Variants in GPR101 observed in about 807,000 individuals in gnomAD.
GPR101 encodes the protein probable G protein-coupled receptor 101.
In GPR101, 8 loss-of-function variants were observed where a neutral mutation model predicts 16.4. The ratio of observed to expected loss-of-function variants is 0.49; its 90% CI spans 0.29 to 0.88. The LOEUF (loss-of-function observed/expected upper bound fraction) is 0.88. Ranked by LOEUF, GPR101 falls within the 40% of genes least tolerant of loss-of-function variation. The pLI is 0.09. For synonymous variants in GPR101, 155 were observed against 168.7 expected (o/e 0.92, Z 0.63); for missense variants, 375 against 411.7 (o/e 0.91, Z 0.77).
Position 137,026,367 on chromosome X carries a change from C to T in GPR101, c.*3781G>A, listed in dbSNP as rs746640145. Among the ~76,000 whole-genome samples, 1 of 111,929 alleles carries T rather than the reference C, an allele frequency of 8.9e-6. No individual in the cohort carries two copies. The highest frequency in any genetic ancestry group is 1.9e-5 in the Non-Finnish European group (1 of 53,222). The stretch of plus-strand genomic sequence containing the variant: ...TCCCAACAACCCATGAGAGTTTTAT[C>T]TTGAGAGTCCAAATTACCAGATGAT... On this transcript the variant is annotated 3_prime_UTR_variant, in exon 2 of 2. Coordinates refer to ENST00000651716, the MANE Select transcript of GPR101 (RefSeq NM_054021.2).
Position 137,031,278 on chromosome X carries a change from T to G in GPR101, c.397A>C (p.Ile133Leu). ...VVVSVDRYLS[I>L]IHPLSYPSKM... ...GACGGGTAGGAGAGAGGGTGGATGA[T>G]GGACAAGTAGCGATCCACTGACACC... The change falls in exon 2 of 2, where the codon ATC (isoleucine) becomes CTC (leucine). Residue 133 changes from isoleucine to leucine, a missense_variant. Coordinates refer to ENST00000651716, the MANE Select transcript of GPR101 (RefSeq NM_054021.2). 8.3e-7 allele frequency: 1 copy of G among 1,210,764 alleles called. No individual in the cohort carries two copies. Among genetic ancestry groups the G allele is most frequent in the Non-Finnish European group, 1.1e-6 (1 of 895,086 alleles).
At position 137,033,926 on chromosome X, in the gene GPR101, C is replaced by T. The variant is rs1320485317; in HGVS notation, c.-217G>A. Among the ~76,000 whole-genome samples the T allele has an allele frequency of 8.9e-6, 1 of 111,853 alleles. No homozygotes were observed. Among genetic ancestry groups the T allele is most frequent in the African/African-American group, 3.2e-5 (1 of 31,032 alleles). ...AGCTGGCACGGGGCAGCGGGCGCTG[C>T]GGGCGCGGCAGGAGCGGGGCACAGC... On this transcript the variant is annotated 5_prime_UTR_variant, in exon 1 of 2. Transcript: ENST00000651716.
rs961950630 is a variant in GPR101 at position 137,027,162 on chromosome X, T to C, written c.*2986A>G. ...ACTGCCTTCCCAAGCTTGTGGAAAT[T>C]GGTGTGTTAGTCAAAGCACCTGCGA... is the stretch of plus-strand genomic sequence containing the variant. On this transcript the variant is annotated 3_prime_UTR_variant, in exon 2 of 2. Coordinates refer to ENST00000651716, the MANE Select transcript of GPR101 (RefSeq NM_054021.2). Among the ~76,000 whole-genome samples the C allele has an allele frequency of 9.4e-6, 1 of 106,815 alleles. No individual in the cohort carries two copies. Among genetic ancestry groups the C allele is most frequent in the Non-Finnish European group, 1.9e-5 (1 of 52,079 alleles). 92.8% of individuals were successfully genotyped at this position (106,815 alleles called of 115,157 possible). A position where few individuals can be genotyped will look rare whatever the true frequency, so the allele number is the denominator to read the frequency against.
chrX:137,032,808 A>G (rs187694201), intron 1 of GPR101, among the ~76,000 whole-genome samples: 5,965 of 104,738 alleles, frequency 0.057, 185 homozygotes, highest in Middle Eastern at 0.12. Context: ...CTAACACTCT[A>G]CTGCTTGTCT....
At position 137,027,597 on chromosome X, in the gene GPR101, C is replaced by T. The variant is rs1442066153; in HGVS notation, c.*2551G>A. 2.7e-5 allele frequency among the ~76,000 whole-genome samples: 3 copies of T among 112,273 alleles called. No homozygotes were observed. The highest frequency in any genetic ancestry group is 3.8e-5 in the Non-Finnish European group (2 of 53,284). ...GCAGAATGCTCTTAATTAAAAGGTC[C>T]TCTTTTCCAGGCTCATAGTTTCAAA... On this transcript the variant is annotated 3_prime_UTR_variant, in exon 2 of 2. Coordinates refer to ENST00000651716, the MANE Select transcript of GPR101 (RefSeq NM_054021.2).
Position 137,030,588 on chromosome X carries a change from T to C in GPR101, c.1087A>G (p.Ser363Gly). ...TTCACTGCCTCGACGTCATCCTCAC[T>C]GAAATTGATGTCGTCTTCACCAAAC... ...MEFGEDDINF[S>G]EDDVEAVNIP... The change falls in exon 2 of 2, where the codon AGT becomes GGT. Residue 363 changes from serine (S) to glycine (G), a missense_variant. Ser to Gly is a moderately conservative substitution (Grantham distance 56). Coordinates refer to ENST00000651716, the MANE Select transcript of GPR101 (RefSeq NM_054021.2). 1 of 1,211,627 alleles carries C rather than the reference T, an allele frequency of 8.3e-7. No individual in the cohort carries two copies. The highest frequency in any genetic ancestry group is 1.1e-6 in the Non-Finnish European group (1 of 895,358).
rs1292435628 is a variant in GPR101 at position 137,025,038 on chromosome X, G to A, written c.*5110C>T. 8.9e-6 allele frequency among the ~76,000 whole-genome samples: 1 copy of A among 111,879 alleles called. No individual in the cohort carries two copies. Among genetic ancestry groups the A allele is most frequent in the African/African-American group, 3.3e-5 (1 of 30,730 alleles). On this transcript the variant is annotated 3_prime_UTR_variant, in exon 2 of 2. Transcript: ENST00000651716. The stretch of plus-strand genomic sequence containing the variant: ...TGTGTTGTGGAAAACTGTCAGCAAG[G>A]ACTTCAGCCACGATGATTAGTTCAC...
Position 137,030,149 on chromosome X carries a change from C to A in GPR101, c.1526G>T (p.Ter509LeuextTer2). ...TCAAGGTTTGCCTTAGAACTAACTTCAAGGAAAAGTAGCAGAATCGTAGGA... is the reference window on the plus strand; with the variant it reads ...TCAAGGTTTGCCTTAGAACTAACTTAAAGGAAAAGTAGCAGAATCGTAGGA... The part of the protein sequence containing the change: ...VPSYDSATFP[*>L] Residue 509 changes from the stop codon to leucine, a stop_lost, in exon 2 of 2, where the codon TGA (stop) becomes TTA (leucine). Transcript: ENST00000651716. 2 of 1,171,253 alleles carry A rather than the reference C, an allele frequency of 1.7e-6. No homozygotes were observed. The highest frequency in any genetic ancestry group is 2.0e-5 in the South Asian group (1 of 49,636).
At position 137,030,333 on chromosome X, in the gene GPR101, AG is replaced by A. The variant is rs1927234042; in HGVS notation, c.1341del (p.Cys448AlafsTer22). On this transcript the variant is annotated frameshift_variant, in exon 2 of 2. Transcript: ENST00000651716. LOFTEE classifies it high-confidence loss of function. ...TAGCCATAGACATAGGGGTGGATGC[AG>A]CACTGCAGGAAGAAAAGCCAGATGA... ...TIIIWLFFLQ[C>X]CIHPYVYGYM... The A allele has an allele frequency of 5.8e-6, 7 of 1,208,355 alleles. No individual in the cohort carries two copies. In the South Asian group the frequency reaches 1.2e-4, roughly 21 times the overall value.
Position 137,033,819 on chromosome X carries a change from G to T in GPR101, c.-110C>A, listed in dbSNP as rs1927318281. Among the ~76,000 whole-genome samples the T allele has an allele frequency of 8.9e-6, 1 of 112,209 alleles. No individual in the cohort carries two copies. The highest frequency in any genetic ancestry group is 1.9e-5 in the Non-Finnish European group (1 of 52,962). ...CTGCTTACCTGTTGCTGCTGCAGACGTGGCGTCGCGGGCGCCGCGTGCAGG... is the reference window on the plus strand; with the variant it reads ...CTGCTTACCTGTTGCTGCTGCAGACTTGGCGTCGCGGGCGCCGCGTGCAGG... On this transcript the variant is annotated 5_prime_UTR_variant, in exon 1 of 2. Transcript: ENST00000651716.
rs774570365 is a variant in GPR101, at chrX:137,031,017, G to C, written c.658C>G (p.Arg220Gly). The C allele has an allele frequency of 7.4e-6, 9 of 1,210,594 alleles. No homozygotes were observed. Among genetic ancestry groups the C allele is most frequent in the Non-Finnish European group, 1.0e-5 (9 of 895,311 alleles). Residue 220 changes from arginine to glycine, a missense_variant, in exon 2 of 2, where the codon CGG (arginine) becomes GGG (glycine). Transcript: ENST00000651716. ...ACYSVVFCAA[R>G]RQHALLYNVK... Reference sequence around the variant, plus strand: ...TTGTACAGCAGAGCATGCTGCCTCCGGGCTGCACAGAACACCACGGAGTAG... The same window carrying C: ...TTGTACAGCAGAGCATGCTGCCTCCCGGCTGCACAGAACACCACGGAGTAG...
At chrX:137,033,312 C>T (rs1602600270) in intron 1 of GPR101, among the ~76,000 whole-genome samples, 1 of 107,992 alleles carries the variant, frequency 9.3e-6, no homozygotes, top group African/African-American at 3.4e-5. Context: ...TGGAGAGAGT[C>T]AGAAAGGCAG....
chrX:137,027,337 C>A lies in GPR101; in HGVS notation c.*2811G>T, dbSNP rs1208204632. Among the ~76,000 whole-genome samples, 1 of 103,370 alleles carries A rather than the reference C, an allele frequency of 9.7e-6. No individual in the cohort carries two copies. The highest frequency in any genetic ancestry group is 3.6e-5 in the African/African-American group (1 of 27,708). The allele number at this position is 103,370 out of a possible 115,157, so 89.8% of individuals were successfully genotyped here. A position where few individuals can be genotyped will look rare whatever the true frequency, so the allele number is the denominator to read the frequency against. On this transcript the variant is annotated 3_prime_UTR_variant, in exon 2 of 2. Transcript: ENST00000651716. ...TACTGCACATATGAAGTGGCCTTGG[C>A]AAAAGAATACATCCTTTAAAAACAT...
Position 137,033,909 on chromosome X carries a change from C to T in GPR101, c.-200G>A, listed in dbSNP as rs932954434. Among the ~76,000 whole-genome samples, 1 of 111,999 alleles carries T rather than the reference C, an allele frequency of 8.9e-6. No individual in the cohort carries two copies. The highest frequency in any genetic ancestry group is 3.2e-5 in the African/African-American group (1 of 31,051). On this transcript the variant is annotated 5_prime_UTR_variant, in exon 1 of 2. The change creates a new upstream start codon in the 5' untranslated region. Transcript: ENST00000651716. ...GGGCTCGGGCGGCTGCGAGCTGGCA[C>T]GGGGCAGCGGGCGCTGCGGGCGCGG...
Position 137,024,762 on chromosome X carries a change from GC to G in GPR101, c.*5385del, listed in dbSNP as rs1927143093. On this transcript the variant is annotated 3_prime_UTR_variant, in exon 2 of 2. Transcript: ENST00000651716. ...CAACCAAAGGGGGAAAAACAGAGCA[GC>G]CTTTTTCTGGGTTTTGCTACTGCTT... is the stretch of plus-strand genomic sequence containing the variant. Among the ~76,000 whole-genome samples, 1 of 111,017 alleles carries G rather than the reference GC, an allele frequency of 9.0e-6. No individual in the cohort carries two copies. Among genetic ancestry groups the G allele is most frequent in the Non-Finnish European group, 1.9e-5 (1 of 53,009 alleles).
Position 137,024,855 on chromosome X carries a change from G to C in GPR101, c.*5293C>G, listed in dbSNP as rs1004477345. On this transcript the variant is annotated 3_prime_UTR_variant, in exon 2 of 2. Transcript: ENST00000651716. ...GAAACCTGTCAGTTCACGGTCAGGT[G>C]TTGGTTGGGTCTTCAGGGTGCAGTA... 5.3e-5 allele frequency among the ~76,000 whole-genome samples: 6 copies of C among 112,213 alleles called. No individual in the cohort carries two copies. The highest frequency in any genetic ancestry group is 1.1e-4 in the Non-Finnish European group (6 of 53,258).
rs762878627 is a variant in GPR101, at chrX:137,030,670, G to T, written c.1005C>A (p.Asp335Glu). The change falls in exon 2 of 2, where the codon GAC becomes GAA. Residue 335 changes from aspartate to glutamate, a missense_variant. Coordinates refer to ENST00000651716, the MANE Select transcript of GPR101 (RefSeq NM_054021.2). ...TKVEENSMKA[D>E]KGRTEVNQCS... ...ACTGGTTGACCTCTGTGCGACCCTT[G>T]TCTGCCTTCATGCTGTTCTCCTCAA... The T allele has an allele frequency of 5.2e-5, 63 of 1,209,381 alleles. No homozygotes were observed. The highest frequency in any genetic ancestry group is 6.8e-5 in the Non-Finnish European group (61 of 895,090).
chrX:137,030,690 C>T lies in GPR101; in HGVS notation c.985G>A (p.Glu329Lys), dbSNP rs779689004. The T allele has an allele frequency of 4.1e-6, 5 of 1,211,594 alleles. No individual in the cohort carries two copies. Among genetic ancestry groups the T allele is most frequent in the Non-Finnish European group, 4.5e-6 (4 of 895,443 alleles). ...CCCTTGTCTGCCTTCATGCTGTTCT[C>T]CTCAACTTTGGTGCTGCCTTCCTTA... The part of the protein sequence containing the change: ...EGKEGSTKVE[E>K]NSMKADKGRT... Residue 329 changes from glutamate (E) to lysine (K), a missense_variant, in exon 2 of 2, where the codon GAG becomes AAG. By Grantham distance (56) the Glu-to-Lys change is moderately conservative. Transcript: ENST00000651716.
intron 1 of GPR101, among the ~76,000 whole-genome samples, chrX:137,032,921 G>C (rs1433390851): frequency 9.0e-6 from 1 of 110,587 alleles, no homozygotes; most frequent in Non-Finnish European, 1.9e-5. Flanking sequence ...CACTTGCTTT[G>C]TATCTTTGAG....
Sources: allele counts gnomAD v4.1 joint callset (sites outside exome capture counted in the v4.1 genomes callset), GRCh38; gene constraint gnomAD v4.1.1; transcripts MANE v1.5; gene names NCBI Gene and HGNC (gene_info 2026-07-23, HGNC 2026-07-21).